The following TMEM132B variants were observed in gnomAD, a reference collection of about 807,000 sequenced individuals.
The protein encoded by TMEM132B is transmembrane protein 132B.
A neutral mutation model predicts 90.8 loss-of-function variants in TMEM132B; 18 were observed. The ratio of observed to expected loss-of-function variants is 0.20; its 90% CI spans 0.14 to 0.29. TMEM132B has a LOEUF of 0.29. Ranked by LOEUF, TMEM132B falls within the 10% of genes least tolerant of loss-of-function variation. TMEM132B has a pLI of 1.00. For missense variants in TMEM132B, 1,096 were observed against 1,326.8 expected, an observed-to-expected ratio of 0.83 and a Z score of 2.70; for synonymous variants, 504 against 523.3, an observed-to-expected ratio of 0.96 and a Z score of 0.50.
At chr12:125,572,906 A>G (rs1488021762) in intron 4 of TMEM132B, among the ~76,000 whole-genome samples, 1 of 152,202 alleles carries the variant, frequency 6.6e-6, no homozygotes, top group Non-Finnish European at 1.5e-5. Flanking sequence ...TACAGATTAT[A>G]ATTGACTACT....
At chr12:125,187,962 G>T (rs953881534) in intron 1 of TMEM132B, among the ~76,000 whole-genome samples, 2 of 152,080 alleles carry the variant, frequency 1.3e-5, no homozygotes, top group Non-Finnish European at 2.9e-5. Flanking sequence ...CAAACAAATC[G>T]CACAGACAGG....
intron 3 of TMEM132B, among the ~76,000 whole-genome samples, chr12:125,474,056 TTTTCCTTTCC>T (rs113319203): frequency 0.41 from 52,959 of 129,114 alleles, 11,040 homozygotes; most frequent in East Asian, 0.5. Context: ...CCTTCTTTCT[TTTTCCTTTCC>T]TTTCCTTTCC....
intron 1 of TMEM132B, among the ~76,000 whole-genome samples, chr12:125,343,202 G>A (rs559618672): frequency 3.2e-4 from 48 of 152,326 alleles, no homozygotes; most frequent in African/African-American, 1.1e-3. Flanking sequence ...TCCAGGATAT[G>A]TAAGGTGGTT....
intron 4 of TMEM132B, among the ~76,000 whole-genome samples, chr12:125,522,976 A>T (rs1592972831): frequency 1.3e-5 from 2 of 152,290 alleles, no homozygotes; most frequent in South Asian, 4.1e-4. Context: ...CAGGTCTTCC[A>T]CACTGGATTT....
chr12:125,441,282 G>A (rs1462730), intron 3 of TMEM132B, among the ~76,000 whole-genome samples: 18,756 of 152,162 alleles, frequency 0.12, 1,101 homozygotes, highest in African/African-American at 0.14. Context: ...AAAGAGTGAT[G>A]TGTTTTCAGA....
Position 125,519,624 on chromosome 12 carries a change from T to G in TMEM132B, c.1292T>G (p.Met431Arg), listed in dbSNP as rs764629013. Residue 431 changes from methionine to arginine, a missense_variant and splice_region_variant, in exon 4 of 9, where the codon ATG becomes AGG. Coordinates refer to ENST00000682704, the MANE Select transcript of TMEM132B (RefSeq NM_001366854.1). ...TTCGTGGGCATCGTCCCTCTTGCCA[T>G]GGTGAGGAATCTGGGGGTTTCAGAG... Reference protein sequence around the residue: ...TTFVGIVPLAMDTEVLNTAIL... With the variant: ...TTFVGIVPLARDTEVLNTAIL... 1 of 1,613,882 alleles carries G rather than the reference T, an allele frequency of 6.2e-7. No individual in the cohort carries two copies.
chr12:125,550,122 C>G (rs1418103498), intron 4 of TMEM132B, among the ~76,000 whole-genome samples: 3 of 152,192 alleles, frequency 2.0e-5, no homozygotes, highest in Non-Finnish European at 4.4e-5. Context: ...TGCCGCACAG[C>G]CCCCAGAGCC....
rs190916191 is a variant in TMEM132B, at chr12:125,572,866, A to G, written c.1294-10985A>G. On this transcript the variant is annotated intron_variant, in intron 4 of 8. Transcript: ENST00000682704. ...TTCCTTTCTTCACTGTTTGTTTATG[A>G]CAATATGGACTCAGAAGCTTATTTT... Among the ~76,000 whole-genome samples, 3 of 152,302 alleles carry G rather than the reference A, an allele frequency of 2.0e-5. 1 individual carries two copies. The highest frequency in any genetic ancestry group is 2.0e-4 in the Admixed American group (3 of 15,306).
chr12:125,228,992 C>T (rs914950251), intron 1 of TMEM132B, among the ~76,000 whole-genome samples: 4 of 152,150 alleles, frequency 2.6e-5, no homozygotes, highest in African/African-American at 7.2e-5. Flanking sequence ...CCCTGAGGAC[C>T]TGACCAACTA....
Position 125,458,469 on chromosome 12 carries a change from C to A in TMEM132B, c.1106+42792C>A, listed in dbSNP as rs755174044. Among the ~76,000 whole-genome samples, 1 of 152,134 alleles carries A rather than the reference C, an allele frequency of 6.6e-6. No homozygotes were observed. Among genetic ancestry groups the A allele is most frequent in the Non-Finnish European group, 1.5e-5 (1 of 68,018 alleles). ...AAACAAACCAGGCTGGGACCCCAGG[C>A]GACCAGCAGGGGTCATTTGGTTTCA... On this transcript the variant is annotated intron_variant, in intron 3 of 8. Transcript: ENST00000682704. The surrounding 1 kb of genome is among the most constrained non-coding windows in gnomAD (Gnocchi z 4.9).
At chr12:125,266,674 T>C (rs1280856448) in intron 1 of TMEM132B, among the ~76,000 whole-genome samples, 1 of 152,230 alleles carries the variant, frequency 6.6e-6, no homozygotes, top group African/African-American at 2.4e-5. Context: ...ACACCACACT[T>C]GTAAAAAATG....
At chr12:125,259,102 G>A (rs974316682) in intron 1 of TMEM132B, among the ~76,000 whole-genome samples, 1 of 152,186 alleles carries the variant, frequency 6.6e-6, no homozygotes, top group Non-Finnish European at 1.5e-5. Flanking sequence ...GTCTCTGGGT[G>A]GGAATGAGTT....
At chr12:125,304,460 TGC>T (rs1472645752) in intron 1 of TMEM132B, among the ~76,000 whole-genome samples, 1 of 152,152 alleles carries the variant, frequency 6.6e-6, no homozygotes, top group Non-Finnish European at 1.5e-5. Context: ...TCATGGATTT[TGC>T]AATGACTTCA....
At chr12:125,506,135 T>C (rs553529349) in intron 3 of TMEM132B, among the ~76,000 whole-genome samples, 1 of 152,220 alleles carries the variant, frequency 6.6e-6, no homozygotes, top group Non-Finnish European at 1.5e-5. Context: ...CATTAACTGA[T>C]GAATAGATAA....
intron 1 of TMEM132B, among the ~76,000 whole-genome samples, chr12:125,240,652 G>A (rs1259635318): frequency 6.6e-6 from 1 of 152,152 alleles, no homozygotes. Flanking sequence ...CATGCTCCTA[G>A]GGAATGGAAT....
At chr12:125,222,224 T>C (rs1211370936) in intron 1 of TMEM132B, among the ~76,000 whole-genome samples, 1 of 152,222 alleles carries the variant, frequency 6.6e-6, no homozygotes. Context: ...ATTTGCTATA[T>C]AGTTTAAGCT....
chr12:125,437,865 C>T (rs1189838921), intron 3 of TMEM132B, among the ~76,000 whole-genome samples: 2 of 152,074 alleles, frequency 1.3e-5, no homozygotes, highest in Non-Finnish European at 2.9e-5. Context: ...GTGACGAAAA[C>T]GTTCTGGAGG....
rs1173469097 is a variant in TMEM132B, at chr12:125,464,145, G to A, written c.1106+48468G>A. 2.1e-4 allele frequency among the ~76,000 whole-genome samples: 32 copies of A among 152,144 alleles called. 1 individual carries two copies. Among genetic ancestry groups the A allele is most frequent in the Admixed American group, 2.1e-3 (32 of 15,274 alleles). On this transcript the variant is annotated intron_variant, in intron 3 of 8. Transcript: ENST00000682704. ...AAATCATGTCACCATCCATTTAAAA[G>A]GTGACCCTAAAACTAATGGTAAATA...
intron 1 of TMEM132B, among the ~76,000 whole-genome samples, chr12:125,298,191 A>C (rs867714561): frequency 5.6e-4 from 85 of 152,220 alleles, no homozygotes; most frequent in African/African-American, 2.0e-3. Context: ...TCTAGGCTGC[A>C]GTGAGCCATG....
Sources: gnomAD v4.1 joint callset for allele counts (sites outside exome capture counted in the v4.1 genomes callset) on GRCh38, gnomAD v4.1.1 for gene constraint, Gnocchi (gnomAD v3.1) non-coding constraint, MANE v1.5 for transcripts, NCBI Gene and HGNC (gene_info 2026-07-23, HGNC 2026-07-21) for gene names.